Variants in GRIA1 observed in about 807,000 individuals in gnomAD.
GRIA1 encodes the protein glutamate ionotropic receptor AMPA type subunit 1, also known as glutamate receptor 1.
A neutral mutation model predicts 99.2 loss-of-function variants in GRIA1; 31 were observed. That is an observed-to-expected ratio of 0.31 (90% CI 0.23 to 0.42). The LOEUF (loss-of-function observed/expected upper bound fraction) is 0.42. Among genes scored for constraint, GRIA1 ranks in the 10% least tolerant of loss-of-function variants. The probability of loss-of-function intolerance (pLI) is 1.00; values close to 1 mark genes in which losing one functional copy is unlikely to be tolerated. For missense variants in GRIA1, 782 were observed against 1,157.5 expected, an observed-to-expected ratio of 0.68 and a Z score of 4.71; for synonymous variants, 438 against 432.4, an observed-to-expected ratio of 1.01 and a Z score of -0.16.
chr5:153,692,963 T>C (rs1436670118), intron 8 of GRIA1, among the ~76,000 whole-genome samples: 1 of 152,192 alleles, frequency 6.6e-6, no homozygotes, highest in East Asian at 1.9e-4. Context: ...AAGTTACACA[T>C]AAACTTATTA....
chr5:153,809,926 T>C (rs1766701470), intron 15 of GRIA1, among the ~76,000 whole-genome samples: 1 of 152,162 alleles, frequency 6.6e-6, no homozygotes, highest in African/African-American at 2.4e-5. Flanking sequence ...CCATTGACAA[T>C]TCTTTATATT....
chr5:153,639,682 G>A (rs1400522829), intron 2 of GRIA1, among the ~76,000 whole-genome samples: 1 of 152,158 alleles, frequency 6.6e-6, no homozygotes, highest in Non-Finnish European at 1.5e-5. Context: ...TCCCTCTCTA[G>A]AGCCTAAGCT....
chr5:153,506,618 T>C (rs1222496294), intron 2 of GRIA1, among the ~76,000 whole-genome samples: 1 of 152,078 alleles, frequency 6.6e-6, no homozygotes, highest in Non-Finnish European at 1.5e-5. Flanking sequence ...TATAGAGGTG[T>C]CACACCTACA....
chr5:153,637,123 C>T (rs1032739247), intron 2 of GRIA1, among the ~76,000 whole-genome samples: 1 of 152,150 alleles, frequency 6.6e-6, no homozygotes, highest in Non-Finnish European at 1.5e-5. Flanking sequence ...AGTAAACACT[C>T]AATAGGTGAT....
At chr5:153,521,628 G>T (rs1489517306) in intron 2 of GRIA1, among the ~76,000 whole-genome samples, 6 of 152,186 alleles carry the variant, frequency 3.9e-5, no homozygotes, top group African/African-American at 1.4e-4. Context: ...GGACCAATTT[G>T]CTTCCTTGAA....
intron 11 of GRIA1, among the ~76,000 whole-genome samples, chr5:153,745,420 T>C (rs1762081745): frequency 6.6e-6 from 1 of 151,820 alleles, no homozygotes; most frequent in Admixed American, 6.6e-5. Context: ...AAACCCCATC[T>C]CTACTAAAGA....
At chr5:153,491,246 A>G in intron 1 of GRIA1, 1 of 1,114,444 alleles carries the variant, frequency 9.0e-7, no homozygotes, top group Non-Finnish European at 1.1e-6. Flanking sequence ...GCTTTGGAGG[A>G]AAAAAAAAAT....
intron 8 of GRIA1, 143 bp downstream of exon 8, chr5:153,686,472 C>A: frequency 1.7e-6 from 1 of 571,460 alleles, no homozygotes; most frequent in Non-Finnish European, 3.1e-6. Context: ...CTTGGCTCTG[C>A]CACTAACCAG....
rs184470563 is a variant in GRIA1, at chr5:153,806,391, G to A, written c.2520+3901G>A. Among the ~76,000 whole-genome samples, 172 of 151,982 alleles carry A rather than the reference G, an allele frequency of 1.1e-3. 1 individual carries two copies. The highest frequency in any genetic ancestry group is 0.01 in the Middle Eastern group (3 of 292). Reference sequence around the variant, plus strand: ...AGTGATTCTCCTACCTCAGCCTCCCGAGTAGCTGGGACTACAGTCACGTGC... The same window carrying A: ...AGTGATTCTCCTACCTCAGCCTCCCAAGTAGCTGGGACTACAGTCACGTGC... On this transcript the variant is annotated intron_variant, in intron 15 of 15. Coordinates refer to ENST00000285900, the MANE Select transcript of GRIA1 (RefSeq NM_000827.4).
intron 13 of GRIA1, among the ~76,000 whole-genome samples, chr5:153,787,164 A>C: frequency 6.6e-6 from 1 of 152,150 alleles, no homozygotes; most frequent in Admixed American, 6.5e-5. Context: ...ATGATAATTG[A>C]GTTTCTTTAG....
intron 11 of GRIA1, among the ~76,000 whole-genome samples, chr5:153,755,902 A>G (rs114170795): frequency 2.2e-4 from 33 of 152,360 alleles, no homozygotes; most frequent in African/African-American, 7.5e-4. Flanking sequence ...GCATGCTCTT[A>G]GGTTCAAACC....
At chr5:153,661,441 C>T (rs1023842197) in intron 5 of GRIA1, among the ~76,000 whole-genome samples, 8 of 152,194 alleles carry the variant, frequency 5.3e-5, no homozygotes, top group Admixed American at 2.6e-4. Context: ...CCTCAACGCT[C>T]TCGGAAATGA....
intron 2 of GRIA1, among the ~76,000 whole-genome samples, chr5:153,565,369 TTCTAAGCAA>T (rs1761523368): frequency 1.3e-5 from 2 of 152,332 alleles, no homozygotes; most frequent in South Asian, 4.1e-4. Flanking sequence ...AAATCTGTGT[TTCTAAGCAA>T]TTGTCACCTT....
intron 12 of GRIA1, among the ~76,000 whole-genome samples, chr5:153,765,697 G>T (rs767636883): frequency 5.3e-5 from 8 of 152,006 alleles, no homozygotes; most frequent in Non-Finnish European, 8.8e-5. Context: ...ACAGTACATG[G>T]AACTACCATC....
rs114092428 is a variant in GRIA1 at position 153,771,983 on chromosome 5, G to T, written c.2270+1568G>T. Among the ~76,000 whole-genome samples the T allele has an allele frequency of 9.7e-3, 1,476 of 152,056 alleles. 14 individuals are homozygous for T. The highest frequency in any genetic ancestry group is 0.034 in the African/African-American group (1,391 of 41,506). On this transcript the variant is annotated intron_variant, in intron 13 of 15. Coordinates refer to ENST00000285900, the MANE Select transcript of GRIA1 (RefSeq NM_000827.4). ...CACAGAGTTTAAGAGACATGAAAAA[G>T]AAAAAAATTGAGTCTGCTGTGAGTT...
At chr5:153,520,117 A>G (rs780118929) in intron 2 of GRIA1, among the ~76,000 whole-genome samples, 34 of 152,218 alleles carry the variant, frequency 2.2e-4, no homozygotes, top group Non-Finnish European at 4.4e-4. Flanking sequence ...TATTAATTTA[A>G]TAAAACCTCT....
chr5:153,699,068 T>G lies in GRIA1; in HGVS notation c.1447T>G (p.Tyr483Asp). 1 of 1,610,726 alleles carries G rather than the reference T, an allele frequency of 6.2e-7. No individual in the cohort carries two copies. ...AWNGMVGELV[Y>D]GRADVAVAPL... ...GAATGGCATGGTGGGAGAGCTGGTCTATGGAGTAAGTTCACTGCAGGGTGG... is the reference window on the plus strand; with the variant it reads ...GAATGGCATGGTGGGAGAGCTGGTCGATGGAGTAAGTTCACTGCAGGGTGG... The change falls in exon 10 of 16, where the codon TAT becomes GAT. Residue 483 changes from tyrosine (Y) to aspartate (D), a missense_variant. By Grantham distance (160) the Tyr-to-Asp change is radical. Around this residue, in one of 5 missense-constraint regions of GRIA1, gnomAD observed 87 missense variants for 184.5 expected, o/e 0.47. Transcript: ENST00000285900.
At chr5:153,697,959 C>T (rs1410588273) in intron 8 of GRIA1, 85 bp from the exon 9 acceptor site, 1 of 633,934 alleles carries the variant, frequency 1.6e-6, no homozygotes, top group Non-Finnish European at 2.9e-6. Context: ...ACTTGCCTGT[C>T]TCTGGTATTG....
At chr5:153,805,424 G>A (rs905780298) in intron 15 of GRIA1, among the ~76,000 whole-genome samples, 3 of 152,124 alleles carry the variant, frequency 2.0e-5, no homozygotes, top group African/African-American at 7.2e-5. Context: ...GATGAGGCAG[G>A]GCATGGGAGG....
Sources: allele counts gnomAD v4.1 joint callset (sites outside exome capture counted in the v4.1 genomes callset), GRCh38; gene constraint gnomAD v4.1.1; regional missense constraint gnomAD v4.1.1; transcripts MANE v1.5; gene names NCBI Gene and HGNC (gene_info 2026-07-23, HGNC 2026-07-21).